The following TAFA1 variants were observed in gnomAD, a reference collection of about 807,000 sequenced individuals.
The protein encoded by TAFA1 is chemokine-like protein TAFA-1.
Under a neutral mutation model 18.5 loss-of-function variants are expected in TAFA1, and 4 were observed. The ratio of observed to expected loss-of-function variants is 0.22; its 90% CI spans 0.11 to 0.49. The LOEUF (loss-of-function observed/expected upper bound fraction) is 0.49. TAFA1 is among the 20% of genes least tolerant of loss of function. The pLI, the probability that TAFA1 is intolerant of heterozygous loss-of-function variation, is 0.98. For synonymous variants in TAFA1, 56 were observed against 55.2 expected, an observed-to-expected ratio of 1.01 and a Z score of -0.06; for missense variants, 147 against 169.0, an observed-to-expected ratio of 0.87 and a Z score of 0.72.
At chr3:68,390,622 A>C (rs941435641) in intron 2 of TAFA1, among the ~76,000 whole-genome samples, 1 of 152,214 alleles carries the variant, frequency 6.6e-6, no homozygotes, top group Non-Finnish European at 1.5e-5. Flanking sequence ...GGCATCTGGC[A>C]GGTGGCCCTG....
At chr3:68,408,626 TTTCC>T (rs895041678) in intron 2 of TAFA1, among the ~76,000 whole-genome samples, 12 of 152,204 alleles carry the variant, frequency 7.9e-5, no homozygotes, top group African/African-American at 2.7e-4. Context: ...CCTCTCTTTC[TTTCC>T]TTCCTTCCTT....
intron 2 of TAFA1, among the ~76,000 whole-genome samples, chr3:68,057,054 T>C (rs974575992): frequency 3.3e-5 from 5 of 152,152 alleles, no homozygotes; most frequent in African/African-American, 9.7e-5. Flanking sequence ...TCATCTCTCT[T>C]CTCTAACACA....
At chr3:68,106,574 A>G (rs960999661) in intron 2 of TAFA1, among the ~76,000 whole-genome samples, 4 of 152,152 alleles carry the variant, frequency 2.6e-5, no homozygotes, top group Admixed American at 2.6e-4. Context: ...ACAAACAATG[A>G]AAGATGAAAG....
intron 2 of TAFA1, among the ~76,000 whole-genome samples, chr3:68,008,384 G>C (rs1704406026): frequency 1.3e-5 from 2 of 152,214 alleles, no homozygotes; most frequent in African/African-American, 4.8e-5. Flanking sequence ...ATCTGCATTC[G>C]TTGTGATGAT....
At chr3:68,421,244 C>G (rs889542266) in intron 3 of TAFA1, among the ~76,000 whole-genome samples, 4 of 152,100 alleles carry the variant, frequency 2.6e-5, no homozygotes, top group African/African-American at 9.7e-5. Flanking sequence ...GTGGTTGGTT[C>G]AAACAAAAGG....
intron 2 of TAFA1, among the ~76,000 whole-genome samples, chr3:68,116,026 G>T (rs2065320339): frequency 6.6e-6 from 1 of 152,156 alleles, no homozygotes; most frequent in Non-Finnish European, 1.5e-5. Flanking sequence ...GGAGGCCGAG[G>T]TGGGCGGATC....
intron 2 of TAFA1, among the ~76,000 whole-genome samples, chr3:68,239,483 A>T (rs778127912): frequency 2.6e-5 from 4 of 151,756 alleles, no homozygotes; most frequent in Non-Finnish European, 5.9e-5. Flanking sequence ...CCAATATTTC[A>T]CCCTTTATCC....
intron 3 of TAFA1, among the ~76,000 whole-genome samples, chr3:68,516,791 T>A (rs980501211): frequency 2.0e-5 from 3 of 152,182 alleles, no homozygotes; most frequent in African/African-American, 4.8e-5. Context: ...TTCTTTTTTT[T>A]TGAGATGGAG....
intron 2 of TAFA1, among the ~76,000 whole-genome samples, chr3:68,169,474 C>T (rs2066025316): frequency 6.6e-6 from 1 of 152,250 alleles, no homozygotes; most frequent in African/African-American, 2.4e-5. Flanking sequence ...CCACAGAAAC[C>T]ATGCAGCAAT....
chr3:68,065,572 C>A (rs200528138), intron 2 of TAFA1, among the ~76,000 whole-genome samples: 3 of 151,948 alleles, frequency 2.0e-5, no homozygotes, highest in African/African-American at 7.3e-5. Context: ...TCTATCAATG[C>A]CTTTTGACTT....
Position 68,392,176 on chromosome 3 carries a change from C to CA in TAFA1, c.119-25084dup, listed in dbSNP as rs57440480. Reference sequence around the variant, plus strand: ...AGGGAGGGAGGAATATTTAGGAAAGCAAAAAAAAAAAAAAAAAAAAGTAGG... The same window carrying CA: ...AGGGAGGGAGGAATATTTAGGAAAGCAAAAAAAAAAAAAAAAAAAAAGTAGG... On this transcript the variant is annotated intron_variant, in intron 2 of 4. Coordinates refer to ENST00000478136, the MANE Select transcript of TAFA1 (RefSeq NM_213609.4). Among the ~76,000 whole-genome samples the CA allele has an allele frequency of 5.8e-3, 638 of 109,272 alleles. 8 individuals are homozygous for CA. The highest frequency in any genetic ancestry group is 0.019 in the African/African-American group (548 of 29,218). 71.7% of individuals were successfully genotyped at this position (109,272 alleles called of 152,430 possible). A position where few individuals can be genotyped will look rare whatever the true frequency, so the allele number is the denominator to read the frequency against.
chr3:68,186,036 T>C (rs1001012812), intron 2 of TAFA1, among the ~76,000 whole-genome samples: 2 of 152,070 alleles, frequency 1.3e-5, no homozygotes, highest in African/African-American at 2.4e-5. Flanking sequence ...GTGAGCAGTG[T>C]TAGGAGGTAA....
intron 2 of TAFA1, among the ~76,000 whole-genome samples, chr3:68,011,058 T>A (rs896910902): frequency 6.6e-6 from 1 of 150,786 alleles, no homozygotes; most frequent in African/African-American, 2.4e-5. Flanking sequence ...TTAGGATGAG[T>A]TTTTCCCCTT....
intron 2 of TAFA1, among the ~76,000 whole-genome samples, chr3:68,321,947 A>T (rs906191186): frequency 6.6e-6 from 1 of 152,222 alleles, no homozygotes; most frequent in African/African-American, 2.4e-5. Context: ...CCTTAAAAGA[A>T]GTTCCCATGC....
chr3:68,483,457 G>A (rs988984042), intron 3 of TAFA1, among the ~76,000 whole-genome samples: 3 of 152,114 alleles, frequency 2.0e-5, no homozygotes, highest in Non-Finnish European at 4.4e-5. Flanking sequence ...CACTCTTTAT[G>A]TGCTCAGTTG....
At chr3:68,046,829 T>C (rs1410716297) in intron 2 of TAFA1, among the ~76,000 whole-genome samples, 1 of 152,190 alleles carries the variant, frequency 6.6e-6, no homozygotes, top group Non-Finnish European at 1.5e-5. Flanking sequence ...AGATCCTGAA[T>C]GGTACTGTAC....
At chr3:68,277,510 C>T (rs2067818758) in intron 2 of TAFA1, among the ~76,000 whole-genome samples, 1 of 152,134 alleles carries the variant, frequency 6.6e-6, no homozygotes, top group Non-Finnish European at 1.5e-5. Context: ...AAAAAAAAGG[C>T]AGGTGCTCCC....
At chr3:68,331,290 G>A (rs2068864024) in intron 2 of TAFA1, among the ~76,000 whole-genome samples, 1 of 152,160 alleles carries the variant, frequency 6.6e-6, no homozygotes, top group Non-Finnish European at 1.5e-5. Flanking sequence ...TGGGGAGACA[G>A]GAATGGAGAC....
intron 2 of TAFA1, among the ~76,000 whole-genome samples, chr3:68,122,277 G>A (rs1188978739): frequency 2.6e-5 from 4 of 152,122 alleles, no homozygotes; most frequent in South Asian, 2.1e-4. Context: ...CATATGGCCA[G>A]CATTTCATGT....
Sources: allele counts gnomAD v4.1 joint callset (sites outside exome capture counted in the v4.1 genomes callset), GRCh38; gene constraint gnomAD v4.1.1; transcripts MANE v1.5; gene names NCBI Gene and HGNC (gene_info 2026-07-23, HGNC 2026-07-21).